The following COL6A6 variants were observed in gnomAD, a reference collection of about 807,000 sequenced individuals.
COL6A6 encodes collagen type VI alpha 6 chain, also known as collagen alpha-6(VI) chain.
A neutral mutation model predicts 208.6 loss-of-function variants in COL6A6; 183 were observed. The observed-to-expected ratio is 0.88, with a 90% CI of 0.78 to 0.99. The LOEUF (loss-of-function observed/expected upper bound fraction) is 0.99. Ranked by LOEUF, COL6A6 falls within the 50% of genes least tolerant of loss-of-function variation. The pLI is 0.00. For synonymous variants in COL6A6, 973 were observed against 1,011.8 expected, an observed-to-expected ratio of 0.96 and a Z score of 0.73; for missense variants, 2,816 against 2,815.2, an observed-to-expected ratio of 1.00 and a Z score of -0.01.
intron 7 of COL6A6, among the ~76,000 whole-genome samples, chr3:130,572,136 G>A (rs1450218304): frequency 6.6e-6 from 1 of 152,096 alleles, no homozygotes; most frequent in African/African-American, 2.4e-5. Flanking sequence ...CAGGCTAGAA[G>A]TCACCAGCTT....
intron 36 of COL6A6, among the ~76,000 whole-genome samples, chr3:130,672,937 G>C (rs1408171748): frequency 2.6e-5 from 4 of 151,184 alleles, no homozygotes; most frequent in Admixed American, 6.6e-5. Flanking sequence ...CGAAACCCGG[G>C]GGGGCAAAGG....
chr3:130,535,363 C>CT (rs1432644373), intron 1 of COL6A6, among the ~76,000 whole-genome samples: 13 of 152,006 alleles, frequency 8.6e-5, no homozygotes, highest in Non-Finnish European at 1.8e-4. Flanking sequence ...TCATTTTATA[C>CT]TTTTTTGTGC....
chr3:130,621,727 C>A, intron 23 of COL6A6, 94 bp from the exon 24 acceptor site: 1 of 1,024,728 alleles, frequency 9.8e-7, no homozygotes, highest in South Asian at 1.4e-5. Context: ...ACTCTTCTCT[C>A]GTCTGTGGTT....
Position 130,568,369 on chromosome 3 carries a change from C to T in COL6A6, c.2166C>T (p.Ile722=), listed in dbSNP as rs767021295. The change falls in exon 6 of 37, where the codon ATC becomes ATT. Residue 722 remains isoleucine, a synonymous_variant. Transcript: ENST00000358511. ...CCACCAAGGGCGCCCGGCCCAACAT[C>T]AGAAAGTTTCTCATCCTCATCACGG... ...FSPTKGARPN[I]RKFLILITDG... 3 of 1,613,876 alleles carry T rather than the reference C, an allele frequency of 1.9e-6. No homozygotes were observed. The highest frequency in any genetic ancestry group is 1.7e-6 in the Non-Finnish European group (2 of 1,179,902).
intron 20 of COL6A6, among the ~76,000 whole-genome samples, chr3:130,600,824 T>C (rs998069002): frequency 1.3e-5 from 2 of 151,898 alleles, no homozygotes; most frequent in African/African-American, 2.4e-5. Context: ...CATACACTTA[T>C]GTAACAAACC....
At chr3:130,544,901 T>G (rs1438548661) in intron 1 of COL6A6, among the ~76,000 whole-genome samples, 1 of 147,208 alleles carries the variant, frequency 6.8e-6, no homozygotes, top group Non-Finnish European at 1.5e-5. Context: ...TTGTATGAGG[T>G]TTTTTAAATA....
intron 36 of COL6A6, among the ~76,000 whole-genome samples, chr3:130,673,220 A>AAAAAAAAAAACC (rs1553724907): frequency 0.021 from 2,706 of 129,576 alleles, 110 homozygotes; most frequent in African/African-American, 0.074. Context: ...AAAAAAACAA[A>AAAAAAAAAAACC]AAAAAAAAAC....
At chr3:130,541,409 G>A (rs138739052) in intron 1 of COL6A6, among the ~76,000 whole-genome samples, 12 of 152,282 alleles carry the variant, frequency 7.9e-5, no homozygotes, top group East Asian at 3.9e-4. Context: ...TCTTGGTTGC[G>A]TCCAAGTTTA....
intron 24 of COL6A6, 128 bp downstream of exon 24, chr3:130,622,011 G>T: frequency 1.4e-6 from 1 of 725,582 alleles, no homozygotes. Context: ...ACCCTGGCTT[G>T]ATTCTTAGAG....
intron 15 of COL6A6, 80 bp downstream of exon 15, chr3:130,592,802 A>G: frequency 1.5e-6 from 2 of 1,324,360 alleles, no homozygotes; most frequent in Non-Finnish European, 2.1e-6. Flanking sequence ...TTATCAGTAA[A>G]TTATACAAAT....
intron 12 of COL6A6, among the ~76,000 whole-genome samples, chr3:130,590,769 G>A (rs183218285): frequency 2.8e-4 from 42 of 151,408 alleles, no homozygotes; most frequent in African/African-American, 9.0e-4. Context: ...GGGTTTCACC[G>A]TGTTAGCCAG....
In COL6A6 at chr3:130,662,276, A is replaced by C; in HGVS notation, c.6470A>C (p.Lys2157Thr). Residue 2157 changes from lysine to threonine, a missense_variant, in exon 35 of 37, where the codon AAG becomes ACG. Coordinates refer to ENST00000358511, the MANE Select transcript of COL6A6 (RefSeq NM_001102608.3). Reference protein sequence around the residue: ...IHKPDHSYGVKFVKSFINSIR... With the variant: ...IHKPDHSYGVTFVKSFINSIR... The stretch of plus-strand genomic sequence containing the variant: ...AAACCTGACCACAGTTATGGTGTGA[A>C]GTTTGTGAAGTCCTTTATAAACTCA... 6.2e-7 allele frequency: 1 copy of C among 1,613,816 alleles called. No homozygotes were observed. The highest frequency in any genetic ancestry group is 1.1e-5 in the South Asian group (1 of 91,078).
intron 23 of COL6A6, among the ~76,000 whole-genome samples, chr3:130,616,908 T>C (rs1302007795): frequency 6.6e-6 from 1 of 152,152 alleles, no homozygotes; most frequent in African/African-American, 2.4e-5. Flanking sequence ...AGCTACCTCA[T>C]TGGATTGTTG....
intron 18 of COL6A6, 114 bp downstream of exon 18, chr3:130,594,457 G>T: frequency 2.6e-6 from 2 of 755,426 alleles, no homozygotes; most frequent in South Asian, 3.6e-5. Context: ...AACACCACAG[G>T]CATGATTGTA....
chr3:130,590,287 ATATATATATATATTTTTTT>A (rs2063657046), intron 12 of COL6A6, among the ~76,000 whole-genome samples: 1 of 16,706 alleles, frequency 6.0e-5, no homozygotes, highest in African/African-American at 2.8e-4. Flanking sequence ...ATATATATAT[ATATATATATATATTTTTTT>A]TTTTTTTTTT....
At chr3:130,571,427 TAGC>T in intron 7 of COL6A6, 34 bp downstream of exon 7, 1 of 1,457,168 alleles carries the variant, frequency 6.9e-7, no homozygotes, top group East Asian at 2.3e-5. Context: ...TCCTAATTAT[TAGC>T]AGAGGGACAA....
chr3:130,595,313 C>G (rs1403008236), intron 18 of COL6A6, among the ~76,000 whole-genome samples: 1 of 152,152 alleles, frequency 6.6e-6, no homozygotes, highest in Non-Finnish European at 1.5e-5. Flanking sequence ...TAAGATTTAG[C>G]TTTGTTTTAA....
Position 130,573,405 on chromosome 3 carries a change from A to G in COL6A6, c.2978-551A>G, listed in dbSNP as rs114341885. Among the ~76,000 whole-genome samples, 601 of 152,274 alleles carry G rather than the reference A, an allele frequency of 3.9e-3. 6 individuals carry two copies. The highest frequency in any genetic ancestry group is 0.014 in the African/African-American group (572 of 41,526). ...AATAAAATGGCCTAATACCAAATCA[A>G]CAAGCCAAGAGAAGCATAAAAAGAT... On this transcript the variant is annotated intron_variant, in intron 7 of 36. Coordinates refer to ENST00000358511, the MANE Select transcript of COL6A6 (RefSeq NM_001102608.3).
At position 130,627,318 on chromosome 3, in the gene COL6A6, G is replaced by C. The variant is rs765694731; in HGVS notation, c.4942-1G>C. On this transcript the variant is annotated splice_acceptor_variant, in intron 25 of 36. Transcript: ENST00000358511. LOFTEE classifies it high-confidence loss of function. Reference sequence around the variant, plus strand: ...TTGGTAATCAATTGCTCTGTTTACAGGGCAATGATGGCAGTCCAGGTTATG... The same window carrying C: ...TTGGTAATCAATTGCTCTGTTTACACGGCAATGATGGCAGTCCAGGTTATG... 8.7e-6 allele frequency: 14 copies of C among 1,613,454 alleles called. No individual in the cohort carries two copies. The highest frequency in any genetic ancestry group is 1.7e-5 in the Admixed American group (1 of 60,012).
Sources: gnomAD v4.1 joint callset for allele counts (sites outside exome capture counted in the v4.1 genomes callset) on GRCh38, gnomAD v4.1.1 for gene constraint, MANE v1.5 for transcripts, NCBI Gene and HGNC (gene_info 2026-07-23, HGNC 2026-07-21) for gene names.